Variants in KBTBD3 observed in about 807,000 individuals in gnomAD.
KBTBD3 encodes the protein kelch repeat and BTB domain-containing protein 3.
Under a neutral mutation model 49.6 loss-of-function variants are expected in KBTBD3, and 38 were observed. The observed-to-expected ratio is 0.77, with a 90% CI of 0.59 to 1.00. KBTBD3 has a LOEUF of 1.00. KBTBD3 is among the 50% of genes least tolerant of loss of function. The pLI is 0.00. For synonymous variants in KBTBD3, 214 were observed against 250.4 expected (o/e 0.85, Z 1.37); for missense variants, 661 against 712.0 (o/e 0.93, Z 0.81).
chr11:106,053,408 G>GT lies in KBTBD3; in HGVS notation c.1280dup (p.Tyr427Ter). 6.2e-7 allele frequency: 1 copy of GT among 1,613,386 alleles called. No individual in the cohort carries two copies. Among genetic ancestry groups the GT allele is most frequent in the Non-Finnish European group, 8.5e-7 (1 of 1,179,756 alleles). The change falls in exon 4 of 4, where the codon TAC (tyrosine) becomes TAAC (stop). Residue 427 changes from tyrosine (Y) to a stop codon, truncating the protein, a stop_gained and frameshift_variant. Coordinates refer to ENST00000531837, the MANE Select transcript of KBTBD3 (RefSeq NM_198439.3). LOFTEE classifies it high-confidence loss of function. ...DIKSLLDVES[Y>*]NPLSKEWISV... ...ATATCCATTCTTTGGAAAGAGGATT[G>GT]TAAGATTCAACATCTAAGAGACTTT...
intron 3 of KBTBD3, among the ~76,000 whole-genome samples, chr11:106,056,368 A>T (rs1242144048): frequency 1.3e-5 from 2 of 152,214 alleles, no homozygotes. Context: ...CCTATAAAAA[A>T]CTAGCAGTAA....
chr11:106,062,378 T>C (rs1035973946), intron 2 of KBTBD3, among the ~76,000 whole-genome samples: 4 of 151,298 alleles, frequency 2.6e-5, no homozygotes, highest in Admixed American at 1.3e-4. Context: ...GGCTAAGAAG[T>C]CCCAAGATCT....
chr11:106,064,260 C>T (rs529407033), intron 2 of KBTBD3, among the ~76,000 whole-genome samples: 4 of 152,120 alleles, frequency 2.6e-5, no homozygotes, highest in Non-Finnish European at 5.9e-5. Flanking sequence ...AAGAAATAGC[C>T]AGGGACCGGG....
At chr11:106,065,066 T>C (rs1056782045) in intron 2 of KBTBD3, among the ~76,000 whole-genome samples, 4 of 152,200 alleles carry the variant, frequency 2.6e-5, no homozygotes, top group African/African-American at 9.6e-5. Context: ...AAAGCAGTAA[T>C]TACTACCCCA....
chr11:106,053,686 A>ATCCTGGCAAATCAATCAGGTGTGATTGC lies in KBTBD3; in HGVS notation c.975_1002dup (p.Ser335AlafsTer6). On this transcript the variant is annotated stop_gained and frameshift_variant, in exon 4 of 4. Transcript: ENST00000531837. LOFTEE classifies it high-confidence loss of function. Reference sequence around the variant, plus strand: ...TTCTCTCCGTAACTCGAAAGACTAGATCCTGGCAAATCAATCAGGTGTGAT... The same window carrying ATCCTGGCAAATCAATCAGGTGTGATTGC: ...TTCTCTCCGTAACTCGAAAGACTAGATCCTGGCAAATCAATCAGGTGTGATTGCTCCTGGCAAATCAATCAGGTGTGAT... The ATCCTGGCAAATCAATCAGGTGTGATTGC allele has an allele frequency of 1.2e-6, 2 of 1,613,766 alleles. No individual in the cohort carries two copies.
chr11:106,051,793 T>TAAAA lies in KBTBD3; in HGVS notation c.*1056_*1057insTTTT. Reference sequence around the variant, plus strand: ...ATACCAAAAGCCAAGTCATTTTTTTTAATTTAGAAAATAATTCACTAAGAA... The same window carrying TAAAA: ...ATACCAAAAGCCAAGTCATTTTTTTTAAAAAATTTAGAAAATAATTCACTAAGAA... On this transcript the variant is annotated 3_prime_UTR_variant, in exon 4 of 4. Coordinates refer to ENST00000531837, the MANE Select transcript of KBTBD3 (RefSeq NM_198439.3). 1 of 151,896 alleles carries TAAAA rather than the reference T, an allele frequency of 6.6e-6. No individual in the cohort carries two copies. The highest frequency in any genetic ancestry group is 1.9e-4 in the East Asian group (1 of 5,188). The allele number at this position is 151,896 out of a possible 1,614,324, so 9.4% of individuals were successfully genotyped here.
rs148630104 is a variant in KBTBD3, at chr11:106,052,874, T to C, written c.1815A>G (p.Pro605=). 1.9e-6 allele frequency: 3 copies of C among 1,612,400 alleles called. No homozygotes were observed. In the African/African-American group the frequency reaches 4.0e-5, roughly 22 times the overall value. Residue 605 remains proline, a synonymous_variant, in exon 4 of 4, where the codon CCA becomes CCG. Coordinates refer to ENST00000531837, the MANE Select transcript of KBTBD3 (RefSeq NM_198439.3). Reference sequence around the variant, plus strand: ...TTCAAGCACATAGATTAGAAAACCATGGGTCTCTGTATTTATTAAACTGAA... The same window carrying C: ...TTCAAGCACATAGATTAGAAAACCACGGGTCTCTGTATTTATTAAACTGAA... ...QVIQFNKYRD[P]WFSNLCA
Position 106,058,907 on chromosome 11 carries a change from G to C in KBTBD3, c.191C>G (p.Pro64Arg). The C allele has an allele frequency of 6.3e-7, 1 of 1,577,128 alleles. No homozygotes were observed. The highest frequency in any genetic ancestry group is 1.4e-5 in the African/African-American group (1 of 72,240). ...TGCTGCTAACACACAACGATGACACGGGATTATTTCATCTTTCATAATTAT... is the reference window on the plus strand; with the variant it reads ...TGCTGCTAACACACAACGATGACACCGGATTATTTCATCTTTCATAATTAT... ...FKIIMKDEIIPCHRCVLAACS... is the reference protein window; with the variant it reads ...FKIIMKDEIIRCHRCVLAACS... The change falls in exon 3 of 4, where the codon CCG becomes CGG. Residue 64 changes from proline (P) to arginine (R), a missense_variant. Physicochemically the swap from Pro to Arg is moderately radical, Grantham distance 103 (BLOSUM62 -2). Coordinates refer to ENST00000531837, the MANE Select transcript of KBTBD3 (RefSeq NM_198439.3).
At position 106,051,800 on chromosome 11, in the gene KBTBD3, G is replaced by C. The variant is rs961713373; in HGVS notation, c.*1050C>G. Reference sequence around the variant, plus strand: ...AAGCCAAGTCATTTTTTTTAATTTAGAAAATAATTCACTAAGAATAATTTA... The same window carrying C: ...AAGCCAAGTCATTTTTTTTAATTTACAAAATAATTCACTAAGAATAATTTA... On this transcript the variant is annotated 3_prime_UTR_variant, in exon 4 of 4. Coordinates refer to ENST00000531837, the MANE Select transcript of KBTBD3 (RefSeq NM_198439.3). The C allele has an allele frequency of 6.6e-6, 1 of 151,576 alleles. No individual in the cohort carries two copies. The highest frequency in any genetic ancestry group is 2.4e-5 in the African/African-American group (1 of 41,314). 9.4% of individuals were successfully genotyped at this position (151,576 alleles called of 1,614,324 possible).
At chr11:106,073,184 C>T (rs1333260926) in intron 2 of KBTBD3, among the ~76,000 whole-genome samples, 1 of 151,596 alleles carries the variant, frequency 6.6e-6, no homozygotes, top group Non-Finnish European at 1.5e-5. Context: ...GCCTCAACCT[C>T]CTGGGCTCAA....
At chr11:106,056,291 A>T (rs551110067) in intron 3 of KBTBD3, among the ~76,000 whole-genome samples, 3 of 152,320 alleles carry the variant, frequency 2.0e-5, no homozygotes, top group South Asian at 4.1e-4. Flanking sequence ...TATTTTTGTT[A>T]TTTAAACCAG....
intron 2 of KBTBD3, among the ~76,000 whole-genome samples, chr11:106,074,813 A>T (rs1054745119): frequency 6.6e-6 from 1 of 152,202 alleles, no homozygotes; most frequent in Non-Finnish European, 1.5e-5. Flanking sequence ...AGCCAAAAAC[A>T]CTTGGAGATG....
At chr11:106,057,133 A>G (rs1305383741) in intron 3 of KBTBD3, among the ~76,000 whole-genome samples, 1 of 152,214 alleles carries the variant, frequency 6.6e-6, no homozygotes, top group South Asian at 2.1e-4. Flanking sequence ...AAGAGCCCCT[A>G]CAGGAACAGG....
At chr11:106,057,491 G>C (rs574439865) in intron 3 of KBTBD3, 1 of 152,248 alleles carries the variant, frequency 6.6e-6, no homozygotes, top group African/African-American at 2.4e-5. Flanking sequence ...TCACCAAAAG[G>C]GGCTTGTCTA....
intron 2 of KBTBD3, among the ~76,000 whole-genome samples, chr11:106,074,107 C>T (rs181891019): frequency 6.6e-4 from 60 of 90,910 alleles, no homozygotes; most frequent in Admixed American, 1.9e-3. Context: ...TTTAGAATGC[C>T]GAACACCCCC....
At position 106,072,325 on chromosome 11, in the gene KBTBD3, TCA is replaced by T. The variant is rs10565016; in HGVS notation, c.-13+4180_-13+4181del. Among the ~76,000 whole-genome samples, 1,167 of 152,326 alleles carry T rather than the reference TCA, an allele frequency of 7.7e-3. 18 individuals carry two copies. The highest frequency in any genetic ancestry group is 0.027 in the African/African-American group (1,125 of 41,558). On this transcript the variant is annotated intron_variant, in intron 2 of 3. Coordinates refer to ENST00000531837, the MANE Select transcript of KBTBD3 (RefSeq NM_198439.3). ...GAATGCCTCAGCCAATGAATTTTGC[TCA>T]TATTGTTCTTTGTATGTAGGTGCAA...
chr11:106,058,872 A>T lies in KBTBD3; in HGVS notation c.226T>A (p.Phe76Ile). Residue 76 changes from phenylalanine to isoleucine, a missense_variant, in exon 3 of 4, where the codon TTT becomes ATT. Transcript: ENST00000531837. ...HRCVLAACSD[F>I]FRAMFEVNMK... ...ATAGACAAGGTAAAGTACCTGAAAA[A>T]GTCACTGCATGCTGCTAACACACAA... The T allele has an allele frequency of 6.4e-7, 1 of 1,561,482 alleles. No individual in the cohort carries two copies. The highest frequency in any genetic ancestry group is 8.7e-7 in the Non-Finnish European group (1 of 1,155,760).
At chr11:106,061,159 C>T (rs1860685816) in intron 2 of KBTBD3, among the ~76,000 whole-genome samples, 1 of 152,168 alleles carries the variant, frequency 6.6e-6, no homozygotes, top group African/African-American at 2.4e-5. Flanking sequence ...CTCAGAGTGG[C>T]TGGGCTTCTT....
intron 3 of KBTBD3, chr11:106,058,635 G>A: frequency 2.2e-6 from 1 of 457,398 alleles, no homozygotes; most frequent in Non-Finnish European, 3.8e-6. Flanking sequence ...TGTTGGCCAG[G>A]CTGGTCTTGA....
Sources: allele counts gnomAD v4.1 joint callset (sites outside exome capture counted in the v4.1 genomes callset), GRCh38; gene constraint gnomAD v4.1.1; transcripts MANE v1.5; gene names NCBI Gene and HGNC (gene_info 2026-07-23, HGNC 2026-07-21).